The following DCC variants were observed in gnomAD, a reference collection of about 807,000 sequenced individuals.
DCC encodes netrin receptor DCC.
A neutral mutation model predicts 172.5 loss-of-function variants in DCC; 58 were observed. That is an observed-to-expected ratio of 0.34 (90% CI 0.27 to 0.42). DCC has a LOEUF of 0.42. DCC is among the 10% of genes least tolerant of loss of function. The pLI, the probability that DCC is intolerant of heterozygous loss-of-function variation, is 1.00. For missense variants in DCC, 1,740 were observed against 1,791.0 expected (o/e 0.97, Z 0.51); for synonymous variants, 709 against 644.5 (o/e 1.10, Z -1.52).
At chr18:53,418,857 A>G (rs752124312) in intron 21 of DCC, among the ~76,000 whole-genome samples, 1 of 152,236 alleles carries the variant, frequency 6.6e-6, no homozygotes, top group Non-Finnish European at 1.5e-5. Flanking sequence ...GGCAATTAAC[A>G]TAGAACCCCT....
At chr18:52,744,174 A>G (rs2036871093) in intron 1 of DCC, among the ~76,000 whole-genome samples, 1 of 152,204 alleles carries the variant, frequency 6.6e-6, no homozygotes, top group South Asian at 2.1e-4. Context: ...ATATTTATTT[A>G]GTATAAGTAT....
chr18:52,582,451 G>A (rs940941727), intron 1 of DCC, among the ~76,000 whole-genome samples: 5 of 152,138 alleles, frequency 3.3e-5, no homozygotes, highest in African/African-American at 4.8e-5. Flanking sequence ...TATTTAGCCA[G>A]GGGAGTTCTT....
At chr18:52,364,631 C>T (rs1017168466) in intron 1 of DCC, among the ~76,000 whole-genome samples, 3 of 152,198 alleles carry the variant, frequency 2.0e-5, no homozygotes, top group Admixed American at 6.5e-5. Context: ...CCACCAAGGG[C>T]AGGTTCCACA....
chr18:52,613,831 G>A (rs546387417), intron 1 of DCC, among the ~76,000 whole-genome samples: 6 of 152,262 alleles, frequency 3.9e-5, no homozygotes, highest in African/African-American at 1.2e-4. Context: ...ACGGACACAC[G>A]TTGGGTCCTA....
At chr18:52,395,014 C>T (rs9949634) in intron 1 of DCC, among the ~76,000 whole-genome samples, 21,712 of 151,804 alleles carry the variant, frequency 0.14, 1,659 homozygotes, top group Middle Eastern at 0.17. Flanking sequence ...GTAAAATAAA[C>T]GGGGAAATGG....
chr18:52,587,207 T>C (rs1014416578), intron 1 of DCC, among the ~76,000 whole-genome samples: 2 of 152,218 alleles, frequency 1.3e-5, no homozygotes, highest in Non-Finnish European at 2.9e-5. Flanking sequence ...TGGTCTCTGC[T>C]GCTGGCAAAC....
intron 5 of DCC, among the ~76,000 whole-genome samples, chr18:53,002,882 G>A (rs931105698): frequency 2.6e-5 from 4 of 152,146 alleles, no homozygotes; most frequent in African/African-American, 9.7e-5. Context: ...AGCTGTATCA[G>A]CACAGGGTCT....
intron 2 of DCC, among the ~76,000 whole-genome samples, chr18:52,858,203 G>A (rs964930674): frequency 2.6e-5 from 4 of 152,180 alleles, no homozygotes; most frequent in Non-Finnish European, 4.4e-5. Flanking sequence ...AGGCTAGCAC[G>A]CCCATTTTAC....
chr18:53,268,697 T>C (rs1285625056), intron 12 of DCC, among the ~76,000 whole-genome samples: 1 of 152,170 alleles, frequency 6.6e-6, no homozygotes, highest in Admixed American at 6.5e-5. Context: ...TATGGAGGAA[T>C]CGTGGTGCTG....
chr18:53,161,501 C>T (rs1298492665), intron 8 of DCC, among the ~76,000 whole-genome samples: 1 of 152,178 alleles, frequency 6.6e-6, no homozygotes, highest in Admixed American at 6.5e-5. Flanking sequence ...ACTTTATATT[C>T]TGTGAACATG....
At chr18:52,843,656 C>T (rs1295907353) in intron 2 of DCC, among the ~76,000 whole-genome samples, 1 of 152,108 alleles carries the variant, frequency 6.6e-6, no homozygotes, top group East Asian at 1.9e-4. Context: ...AATCTCACAT[C>T]ATTATTTTTA....
In DCC at chr18:52,529,553, G is replaced by A. The variant is rs918406032; in HGVS notation, c.91+188675G>A. Among the ~76,000 whole-genome samples, 9 of 152,202 alleles carry A rather than the reference G, an allele frequency of 5.9e-5. No individual in the cohort carries two copies. In the East Asian group the frequency reaches 1.7e-3, roughly 29 times the overall value. On this transcript the variant is annotated intron_variant, in intron 1 of 28. Coordinates refer to ENST00000442544, the MANE Select transcript of DCC (RefSeq NM_005215.4). ...GATCCACCCGCCTCGGCCTCCCAAA[G>A]TGCTGGGATTACAGGCGTGAGCCAC...
chr18:53,140,123 C>T (rs912357876), intron 7 of DCC, among the ~76,000 whole-genome samples: 1 of 152,138 alleles, frequency 6.6e-6, no homozygotes, highest in African/African-American at 2.4e-5. Context: ...TTTAAGAAGA[C>T]AAACCATAAT....
At chr18:52,796,183 A>G (rs1414797562) in intron 2 of DCC, among the ~76,000 whole-genome samples, 3 of 151,590 alleles carry the variant, frequency 2.0e-5, no homozygotes, top group Non-Finnish European at 4.4e-5. Flanking sequence ...TAGCTGAGTC[A>G]TTGTTTTAAA....
intron 21 of DCC, among the ~76,000 whole-genome samples, chr18:53,426,545 A>C (rs967066810): frequency 1.6e-4 from 24 of 150,556 alleles, no homozygotes; most frequent in African/African-American, 5.6e-4. Flanking sequence ...TGGTGCTTGC[A>C]AAAAGAATTC....
At chr18:53,279,004 T>C (rs190519092) in intron 12 of DCC, among the ~76,000 whole-genome samples, 24 of 152,282 alleles carry the variant, frequency 1.6e-4, no homozygotes, top group African/African-American at 5.8e-4. Context: ...TCCACAATGG[T>C]TGAACTAGTT....
chr18:52,809,221 T>C (rs999744815), intron 2 of DCC: 10 of 152,340 alleles, frequency 6.6e-5, no homozygotes, highest in Admixed American at 2.6e-4. Context: ...TTGCTAGTTT[T>C]AAATTTTGCC....
intron 2 of DCC, among the ~76,000 whole-genome samples, chr18:52,761,937 A>C (rs1351723840): frequency 8.2e-6 from 1 of 122,508 alleles, no homozygotes. Context: ...AAAAAAAAAA[A>C]GAAGAAGGAA....
intron 1 of DCC, among the ~76,000 whole-genome samples, chr18:52,536,102 C>A (rs1196313239): frequency 1.3e-5 from 2 of 152,014 alleles, no homozygotes; most frequent in African/African-American, 4.8e-5. Flanking sequence ...TTTCAAGCAA[C>A]AAAGTGTGTG....
Sources: gnomAD v4.1 joint callset for allele counts (sites outside exome capture counted in the v4.1 genomes callset) on GRCh38, gnomAD v4.1.1 for gene constraint, MANE v1.5 for transcripts, NCBI Gene and HGNC (gene_info 2026-07-23, HGNC 2026-07-21) for gene names.